The following PRPF40B variants were observed in gnomAD, a reference collection of about 807,000 sequenced individuals.
The protein encoded by PRPF40B is pre-mRNA processing factor 40B, also known as pre-mRNA-processing factor 40 homolog B.
Under a neutral mutation model 124.5 loss-of-function variants are expected in PRPF40B, and 56 were observed. The ratio of observed to expected loss-of-function variants is 0.45; its 90% confidence interval spans 0.36 to 0.56. The LOEUF (loss-of-function observed/expected upper bound fraction) is 0.56, where lower values mean the gene tolerates loss of function less well. PRPF40B is among the 20% of genes least tolerant of loss of function. PRPF40B has a pLI of 0.00. For synonymous variants in PRPF40B, 443 were observed against 426.4 expected (o/e 1.04, Z -0.48); for missense variants, 1,053 against 1,169.5 (o/e 0.90, Z 1.45).
At position 49,633,836 on chromosome 12, in the gene PRPF40B, C is replaced by A. The variant is rs369905216; in HGVS notation, c.606-50C>A. The A allele has an allele frequency of 3.1e-6, 5 of 1,610,476 alleles. No homozygotes were observed. The African/African-American group carries it at 5.3e-5, about 17-fold the overall frequency. ...AGAGAAACCAGCCAGCCCCTGAAGT[C>A]CTCCATTCTTGCTCTCCTCCTGGAC... On this transcript the variant is annotated intron_variant, in intron 9 of 25. Coordinates refer to ENST00000548825, the MANE Select transcript of PRPF40B (RefSeq NM_001031698.3).
chr12:49,632,693 A>T, intron 5 of PRPF40B, 70 bp downstream of exon 5: 1 of 1,598,410 alleles, frequency 6.3e-7, no homozygotes, highest in Non-Finnish European at 8.6e-7. Context: ...GGGACCGTGG[A>T]CTGGAGCCCA....
intron 4 of PRPF40B, 176 bp downstream of exon 4, chr12:49,632,101 T>A: frequency 1.5e-6 from 1 of 674,788 alleles, no homozygotes; most frequent in Non-Finnish European, 2.6e-6. Flanking sequence ...GCTCTTCTAG[T>A]TTCCCACTCA....
intron 18 of PRPF40B, chr12:49,639,976 G>A (rs1011206125): frequency 2.6e-5 from 4 of 152,236 alleles, no homozygotes; most frequent in Admixed American, 2.6e-4. Flanking sequence ...CAGAGTGGCT[G>A]GTTGATAGGC....
chr12:49,636,094 C>T, intron 15 of PRPF40B, 101 bp downstream of exon 15: 9 of 1,445,648 alleles, frequency 6.2e-6, no homozygotes, highest in Non-Finnish European at 8.5e-6. Context: ...CTCCTGCCCT[C>T]CCGGACACCC....
At chr12:49,628,196 C>T (rs1940897125) in intron 1 of PRPF40B, among the ~76,000 whole-genome samples, 1 of 152,214 alleles carries the variant, frequency 6.6e-6, no homozygotes, top group Admixed American at 6.5e-5. Flanking sequence ...AGATGAGTCA[C>T]ATTGGAGAGG....
chr12:49,627,347 T>G (rs367602442), intron 1 of PRPF40B, among the ~76,000 whole-genome samples: 43 of 152,360 alleles, frequency 2.8e-4, no homozygotes, highest in African/African-American at 1.0e-3. Flanking sequence ...TATAAAATTC[T>G]AATGGATAAT....
chr12:49,624,272 A>G, intron 1 of PRPF40B: 1 of 705,620 alleles, frequency 1.4e-6, no homozygotes, highest in Non-Finnish European at 1.7e-6. Context: ...GTCTAAATGA[A>G]TAGGTTTTTG....
Position 49,635,866 on chromosome 12 carries a change from C to T in PRPF40B, c.1299C>T (p.Arg433=). The change falls in exon 15 of 26, where the codon CGC becomes CGT. Residue 433 remains arginine (R), a synonymous_variant. Coordinates refer to ENST00000548825, the MANE Select transcript of PRPF40B (RefSeq NM_001031698.3). This position sits in a 1 kb window ranked among gnomAD's most constrained non-coding sequence, Gnocchi z 4.1. ...KEKEQAKQLR[R]RNIQALKSIL... ...AGGAACAGGCCAAGCAGCTCCGGCG[C>T]CGCAATATCCAGGCCCTAAAGAGCA... is the stretch of plus-strand genomic sequence containing the variant. 6.2e-7 allele frequency: 1 copy of T among 1,613,918 alleles called. No individual in the cohort carries two copies. The highest frequency in any genetic ancestry group is 8.5e-7 in the Non-Finnish European group (1 of 1,179,988).
intron 1 of PRPF40B, among the ~76,000 whole-genome samples, chr12:49,629,046 C>T (rs1170533594): frequency 2.0e-5 from 3 of 152,224 alleles, no homozygotes; most frequent in Non-Finnish European, 4.4e-5. Context: ...GGCCCTTTAG[C>T]TGCATCTCCA....
In PRPF40B at chr12:49,637,654, A is replaced by C. The variant is rs116701528; in HGVS notation, c.1675+70A>C. The C allele has an allele frequency of 5.5e-3, 8,535 of 1,553,548 alleles. 187 individuals are homozygous for C. The African/African-American group carries it at 0.058, about 11-fold the overall frequency. On this transcript the variant is annotated intron_variant, in intron 17 of 25. Coordinates refer to ENST00000548825, the MANE Select transcript of PRPF40B (RefSeq NM_001031698.3). The stretch of plus-strand genomic sequence containing the variant: ...TGCCAGCCTCTCTGCACCCCCTACT[A>C]CCGGCTCCTGTCCTCGGCCCAGCCC...
chr12:49,637,797 AAAG>A lies in PRPF40B; in HGVS notation c.1745_1747del (p.Lys582del), dbSNP rs1256378851. The A allele has an allele frequency of 5.0e-6, 8 of 1,611,490 alleles. No individual in the cohort carries two copies. The highest frequency in any genetic ancestry group is 2.2e-5 in the East Asian group (1 of 44,872). ...AGTTGAAGGCACGATTCCATGATGA[AAAG>A]AAGATCATTAAGGACATCCTTAAGG... On this transcript the variant is annotated inframe_deletion, in exon 18 of 26. Transcript: ENST00000548825.
At position 49,635,757 on chromosome 12, in the gene PRPF40B, C is replaced by A; in HGVS notation, c.1276-86C>A. On this transcript the variant is annotated intron_variant, in intron 14 of 25. Transcript: ENST00000548825. This position sits in a 1 kb window ranked among gnomAD's most constrained non-coding sequence, Gnocchi z 4.1. ...TGGCCTTCTTCCTAGGGTTCCCTAG[C>A]TACCTTTCCCCAGGTCCTCCTCTGC... 1 of 1,529,976 alleles carries A rather than the reference C, an allele frequency of 6.5e-7. No individual in the cohort carries two copies. The highest frequency in any genetic ancestry group is 8.9e-7 in the Non-Finnish European group (1 of 1,124,286). The allele number at this position is 1,529,976 out of a possible 1,614,324, so 94.8% of individuals were successfully genotyped here. A position where few individuals can be genotyped will look rare whatever the true frequency, so the allele number is the denominator to read the frequency against.
Position 49,641,945 on chromosome 12 carries a change from A to C in PRPF40B, c.1805A>C (p.Glu602Ala). ...TGCGTGGAGGTGAACACGGCCTTTGAGGACTTCGCCCACGTCATAAGCTTT... is the reference window on the plus strand; with the variant it reads ...TGCGTGGAGGTGAACACGGCCTTTGCGGACTTCGCCCACGTCATAAGCTTT... ...GFCVEVNTAFEDFAHVISFDK... is the reference protein window; with the variant it reads ...GFCVEVNTAFADFAHVISFDK... The change falls in exon 19 of 26, where the codon GAG (glutamate) becomes GCG (alanine). Residue 602 changes from glutamate (E) to alanine (A), a missense_variant. Around this residue, in one of 2 missense-constraint regions of PRPF40B, gnomAD observed 895 missense variants for 1,052.2 expected, o/e 0.85. Transcript: ENST00000548825. 6.2e-7 allele frequency: 1 copy of C among 1,613,806 alleles called. No homozygotes were observed. The highest frequency in any genetic ancestry group is 8.5e-7 in the Non-Finnish European group (1 of 1,180,030).
At chr12:49,625,545 T>A (rs1415643641) in intron 1 of PRPF40B, among the ~76,000 whole-genome samples, 1 of 152,198 alleles carries the variant, frequency 6.6e-6, no homozygotes, top group Non-Finnish European at 1.5e-5. Flanking sequence ...CCTTTTCTCC[T>A]TTTATTCTTC....
chr12:49,634,311 T>G, intron 10 of PRPF40B, 21 bp from the exon 11 acceptor site: 1 of 1,614,058 alleles, frequency 6.2e-7, no homozygotes, highest in East Asian at 2.2e-5. Flanking sequence ...ACCCTGTGGC[T>G]GAGTCCCCTG....
chr12:49,637,285 A>C, intron 16 of PRPF40B, 185 bp from the exon 17 acceptor site: 1 of 598,966 alleles, frequency 1.7e-6, no homozygotes, highest in Non-Finnish European at 3.0e-6. Flanking sequence ...CTGTGTATTT[A>C]CTTTCTCTCT....
rs370814816 is a variant in PRPF40B, at chr12:49,631,972, G to C, written c.294+47G>C. The C allele has an allele frequency of 5.1e-6, 8 of 1,562,248 alleles. No homozygotes were observed. Among genetic ancestry groups the C allele is most frequent in the Non-Finnish European group, 6.2e-6 (7 of 1,133,434 alleles). ...GTAGCAGGCTCTGCCCTGCAGTCCC[G>C]TGAGTCTGACTTGGAATGCAGGACT... On this transcript the variant is annotated intron_variant, in intron 4 of 25. Coordinates refer to ENST00000548825, the MANE Select transcript of PRPF40B (RefSeq NM_001031698.3). This position sits in a 1 kb window ranked among gnomAD's most constrained non-coding sequence, Gnocchi z 4.3.
In PRPF40B at chr12:49,631,616, C is replaced by A; in HGVS notation, c.228+72C>A. The A allele has an allele frequency of 6.7e-7, 1 of 1,495,116 alleles. No individual in the cohort carries two copies. Among genetic ancestry groups the A allele is most frequent in the South Asian group, 1.3e-5 (1 of 76,282 alleles). 92.6% of individuals were successfully genotyped at this position (1,495,116 alleles called of 1,614,324 possible). A position where few individuals can be genotyped will look rare whatever the true frequency, so the allele number is the denominator to read the frequency against. The stretch of plus-strand genomic sequence containing the variant: ...AGCTGGGGGTGGAGATAAGAGCGGG[C>A]ATGTAGGCCTCAGAAACTGGGGAAG... On this transcript the variant is annotated intron_variant, in intron 3 of 25. Coordinates refer to ENST00000548825, the MANE Select transcript of PRPF40B (RefSeq NM_001031698.3). This position sits in a 1 kb window ranked among gnomAD's most constrained non-coding sequence, Gnocchi z 4.3.
In PRPF40B at chr12:49,642,515, C is replaced by T. The variant is rs1305001840; in HGVS notation, c.2023-65C>T. 6.9e-6 allele frequency: 11 copies of T among 1,592,612 alleles called. No individual in the cohort carries two copies. The highest frequency in any genetic ancestry group is 7.7e-6 in the Non-Finnish European group (9 of 1,161,720). On this transcript the variant is annotated intron_variant, in intron 20 of 25. Coordinates refer to ENST00000548825, the MANE Select transcript of PRPF40B (RefSeq NM_001031698.3). The surrounding 1 kb of genome is among the most constrained non-coding windows in gnomAD (Gnocchi z 5.8). ...CTCTGCCCCAGCCCTGCCCTGTGCT[C>T]ATGGCGGTGTCCAGGCCAGGCTGAG...
Sources: allele counts gnomAD v4.1 joint callset (sites outside exome capture counted in the v4.1 genomes callset), GRCh38; gene constraint gnomAD v4.1.1; regional missense constraint gnomAD v4.1.1; non-coding constraint Gnocchi (gnomAD v3.1); transcripts MANE v1.5; gene names NCBI Gene and HGNC (gene_info 2026-07-23, HGNC 2026-07-21).